ACOT7: variants seen among roughly 807,000 people sequenced by gnomAD.
ACOT7 encodes the protein cytosolic acyl coenzyme A thioester hydrolase.
A neutral mutation model predicts 40.2 loss-of-function variants in ACOT7; 12 were observed. The ratio of observed to expected loss-of-function variants is 0.30; its 90% CI spans 0.19 to 0.48. ACOT7 has a LOEUF of 0.48. Among genes scored for constraint, ACOT7 ranks in the 20% least tolerant of loss-of-function variants. The probability of loss-of-function intolerance (pLI) is 0.99; values close to 1 mark genes in which losing one functional copy is unlikely to be tolerated. For missense variants in ACOT7, 395 were observed against 530.8 expected (o/e 0.74, Z 2.51); for synonymous variants, 228 against 219.5 (o/e 1.04, Z -0.34).
intron 1 of ACOT7, among the ~76,000 whole-genome samples, chr1:6,390,864 A>T (rs1234890275): frequency 6.6e-6 from 1 of 152,056 alleles, no homozygotes; most frequent in Non-Finnish European, 1.5e-5. Flanking sequence ...TGAACCCAGG[A>T]GGCAGAGGTT....
intron 1 of ACOT7, chr1:6,385,761 G>C: frequency 6.8e-7 from 1 of 1,479,130 alleles, no homozygotes; most frequent in South Asian, 1.3e-5. Context: ...GCAGTGAGCC[G>C]GTGTGATCCC....
intron 8 of ACOT7, among the ~76,000 whole-genome samples, chr1:6,276,929 C>G (rs1055166943): frequency 6.6e-6 from 1 of 152,172 alleles, no homozygotes; most frequent in African/African-American, 2.4e-5. Flanking sequence ...CAAGCTGGCG[C>G]CCTTCCCTGC....
chr1:6,269,522 C>T (rs896038858), intron 8 of ACOT7, among the ~76,000 whole-genome samples: 1 of 152,256 alleles, frequency 6.6e-6, no homozygotes, highest in African/African-American at 2.4e-5. Flanking sequence ...GACTGCTTCT[C>T]TCGAGGTCAG....
chr1:6,272,116 G>A (rs1639053517), intron 8 of ACOT7, among the ~76,000 whole-genome samples: 1 of 152,234 alleles, frequency 6.6e-6, no homozygotes, highest in Admixed American at 6.5e-5. Flanking sequence ...GAAGCCGCGT[G>A]CTCATGGCAC....
At chr1:6,329,037 G>A (rs1640884010) in intron 4 of ACOT7, among the ~76,000 whole-genome samples, 1 of 152,252 alleles carries the variant, frequency 6.6e-6, no homozygotes, top group Non-Finnish European at 1.5e-5. Flanking sequence ...GAGCTTGTGG[G>A]GAAGCCACGG....
intron 5 of ACOT7, among the ~76,000 whole-genome samples, chr1:6,318,989 A>G (rs1325057786): frequency 6.6e-6 from 1 of 152,168 alleles, no homozygotes; most frequent in Non-Finnish European, 1.5e-5. Context: ...CAGCCTGAGA[A>G]TGTACAGCTC....
At chr1:6,293,263 G>T (rs961595108) in intron 7 of ACOT7, among the ~76,000 whole-genome samples, 1 of 152,182 alleles carries the variant, frequency 6.6e-6, no homozygotes, top group African/African-American at 2.4e-5. Flanking sequence ...CCTATGGAAT[G>T]CACGTTTCCC....
At chr1:6,385,693 C>G in intron 1 of ACOT7, 1 of 1,604,586 alleles carries the variant, frequency 6.2e-7, no homozygotes, top group Non-Finnish European at 8.5e-7. Flanking sequence ...AAACTGTTTA[C>G]CCAGTGACAA....
At position 6,355,474 on chromosome 1, in the gene ACOT7, G is replaced by C. The variant is rs561527761; in HGVS notation, c.144-5608C>G. Among the ~76,000 whole-genome samples, 1 of 152,266 alleles carries C rather than the reference G, an allele frequency of 6.6e-6. No individual in the cohort carries two copies. The highest frequency in any genetic ancestry group is 2.1e-4 in the South Asian group (1 of 4,826). ...CACGAGGAGGAGGAACCTTCTCAGA[G>C]ACCAGCTGTCAGGTGAAAAACAGCA... is the stretch of plus-strand genomic sequence containing the variant. On this transcript the variant is annotated intron_variant, in intron 1 of 8. Coordinates refer to ENST00000361521, the MANE Select transcript of ACOT7 (RefSeq NM_007274.4). The surrounding 1 kb of genome is among the most constrained non-coding windows in gnomAD (Gnocchi z 5.0).
chr1:6,292,937 T>G (rs1639713689), intron 7 of ACOT7, among the ~76,000 whole-genome samples: 1 of 146,978 alleles, frequency 6.8e-6, no homozygotes, highest in Non-Finnish European at 1.5e-5. Context: ...TCGCCCAGCC[T>G]GGAGTGCAGT....
In ACOT7 at chr1:6,306,371, A is replaced by C. The variant is rs905758486; in HGVS notation, c.713-11391T>G. The C allele has an allele frequency of 1.0e-6, 1 of 985,304 alleles. No homozygotes were observed. Among genetic ancestry groups the C allele is most frequent in the Non-Finnish European group, 1.2e-6 (1 of 829,926 alleles). 61.0% of individuals were successfully genotyped at this position (985,304 alleles called of 1,614,324 possible). ...GCTGAGAGGAGGACCCAGTGTGGGC[A>C]GGACAAAGTGAGTTCCTGGGACAGG... On this transcript the variant is annotated intron_variant, in intron 6 of 8. Transcript: ENST00000361521. The surrounding 1 kb of genome is among the most constrained non-coding windows in gnomAD (Gnocchi z 4.3).
chr1:6,325,233 C>T (rs957836064), intron 5 of ACOT7, among the ~76,000 whole-genome samples: 1 of 152,206 alleles, frequency 6.6e-6, no homozygotes, highest in East Asian at 1.9e-4. Flanking sequence ...CCCATCTCTA[C>T]TAAAAATACA....
chr1:6,319,851 A>G (rs1440421511), intron 5 of ACOT7, among the ~76,000 whole-genome samples: 1 of 152,238 alleles, frequency 6.6e-6, no homozygotes, highest in Non-Finnish European at 1.5e-5. Flanking sequence ...CCCCAGGAAG[A>G]TCCGCCCTGA....
intron 8 of ACOT7, among the ~76,000 whole-genome samples, chr1:6,276,427 C>T (rs377657734): frequency 1.3e-5 from 2 of 152,064 alleles, no homozygotes; most frequent in South Asian, 2.1e-4. Flanking sequence ...AATACGAGAC[C>T]GAGACCGGGA....
Position 6,275,013 on chromosome 1 carries a change from G to A in ACOT7, c.1014+6089C>T, listed in dbSNP as rs561501351. On this transcript the variant is annotated intron_variant, in intron 8 of 8. Coordinates refer to ENST00000361521, the MANE Select transcript of ACOT7 (RefSeq NM_007274.4). This position sits in a 1 kb window ranked among gnomAD's most constrained non-coding sequence, Gnocchi z 5.6. ...GAAGTCACAGATGGGCCTGCTGGCC[G>A]TGCGACCCCTGGCGAGTGACTCCCT... 1.6e-4 allele frequency among the ~76,000 whole-genome samples: 24 copies of A among 152,330 alleles called. No individual in the cohort carries two copies. The highest frequency in any genetic ancestry group is 8.3e-4 in the South Asian group (4 of 4,830).
At chr1:6,272,121 T>C (rs1203942890) in intron 8 of ACOT7, among the ~76,000 whole-genome samples, 1 of 152,238 alleles carries the variant, frequency 6.6e-6, no homozygotes, top group African/African-American at 2.4e-5. Flanking sequence ...CGCGTGCTCA[T>C]GGCACACCTC....
chr1:6,271,628 G>A (rs148902961), intron 8 of ACOT7, among the ~76,000 whole-genome samples: 221 of 150,104 alleles, frequency 1.5e-3, no homozygotes, highest in South Asian at 4.4e-3. Flanking sequence ...TGGCCTCTCC[G>A]CCATCCGCTG....
In ACOT7 at chr1:6,311,777, C is replaced by T. The variant is rs1640338336; in HGVS notation, c.712+6715G>A. Among the ~76,000 whole-genome samples, 2 of 152,236 alleles carry T rather than the reference C, an allele frequency of 1.3e-5. No individual in the cohort carries two copies. On this transcript the variant is annotated intron_variant, in intron 6 of 8. Coordinates refer to ENST00000361521, the MANE Select transcript of ACOT7 (RefSeq NM_007274.4). This position sits in a 1 kb window ranked among gnomAD's most constrained non-coding sequence, Gnocchi z 5.2. ...CACACGAGTCCAGGAGCGCCCCTTTCTCACAGCCGTTTCTCTTTCCCAGGG... is the reference window on the plus strand; with the variant it reads ...CACACGAGTCCAGGAGCGCCCCTTTTTCACAGCCGTTTCTCTTTCCCAGGG...
rs141493506 is a variant in ACOT7, at chr1:6,339,378, G to C, written c.418+55C>G. 1.8e-4 allele frequency: 295 copies of C among 1,609,376 alleles called. 1 individual carries two copies. The African/African-American group carries it at 3.5e-3, about 19-fold the overall frequency. ...GTCCTCTGCCCTCAGGAGGGAAGCA[G>C]CTGTGTAGCCACGGCCCTTACTGCT... On this transcript the variant is annotated intron_variant, in intron 3 of 8. Coordinates refer to ENST00000361521, the MANE Select transcript of ACOT7 (RefSeq NM_007274.4).
Sources: allele counts gnomAD v4.1 joint callset (sites outside exome capture counted in the v4.1 genomes callset), GRCh38; gene constraint gnomAD v4.1.1; non-coding constraint Gnocchi (gnomAD v3.1); transcripts MANE v1.5; gene names NCBI Gene and HGNC (gene_info 2026-07-23, HGNC 2026-07-21).